SMYD3: variants seen among roughly 807,000 people sequenced by gnomAD.
SMYD3 encodes the protein SET and MYND domain containing 3.
A neutral mutation model predicts 57.7 loss-of-function variants in SMYD3; 36 were observed. The ratio of observed to expected loss-of-function variants is 0.62; its 90% CI spans 0.48 to 0.82. The LOEUF is 0.82. Ranked by LOEUF, SMYD3 falls within the 40% of genes least tolerant of loss-of-function variation. The pLI is 0.00. For missense variants in SMYD3, 515 were observed against 538.8 expected (o/e 0.96, Z 0.44); for synonymous variants, 211 against 195.0 (o/e 1.08, Z -0.68).
At chr1:246,062,560 C>G (rs2060273269) in intron 5 of SMYD3, among the ~76,000 whole-genome samples, 1 of 152,188 alleles carries the variant, frequency 6.6e-6, no homozygotes, top group African/African-American at 2.4e-5. Flanking sequence ...ATTTGGACCA[C>G]TAACCCAAGA....
intron 5 of SMYD3, among the ~76,000 whole-genome samples, chr1:246,316,974 AC>A (rs2065171316): frequency 6.6e-6 from 1 of 151,374 alleles, no homozygotes; most frequent in African/African-American, 2.4e-5. Flanking sequence ...CAGCCTGGTG[AC>A]AAAGTGAGAC....
At chr1:245,759,441 A>C (rs1475803190) in intron 11 of SMYD3, among the ~76,000 whole-genome samples, 1 of 148,262 alleles carries the variant, frequency 6.7e-6, no homozygotes, top group Non-Finnish European at 1.5e-5. Context: ...ATCCCCACCA[A>C]ATATACAAAA....
chr1:246,237,143 C>T (rs1387315942), intron 5 of SMYD3, among the ~76,000 whole-genome samples: 3 of 152,096 alleles, frequency 2.0e-5, no homozygotes, highest in South Asian at 2.1e-4. Flanking sequence ...CATGAGTAGG[C>T]GCAGAAAGGA....
At chr1:246,126,383 T>C (rs1400574310) in intron 5 of SMYD3, among the ~76,000 whole-genome samples, 1 of 152,246 alleles carries the variant, frequency 6.6e-6, no homozygotes, top group East Asian at 1.9e-4. Flanking sequence ...GAAAATCCTG[T>C]TACTTCTTTG....
intron 5 of SMYD3, among the ~76,000 whole-genome samples, chr1:246,069,058 G>A (rs1369038639): frequency 6.6e-6 from 1 of 152,062 alleles, no homozygotes; most frequent in African/African-American, 2.4e-5. Context: ...TGACAAAGGC[G>A]ACCAACTACA....
chr1:246,384,713 A>ATG (rs1167180829), intron 1 of SMYD3, among the ~76,000 whole-genome samples: 2 of 152,168 alleles, frequency 1.3e-5, no homozygotes, highest in South Asian at 2.1e-4. Context: ...TAGAAATTTT[A>ATG]TGTGTGTATA....
chr1:246,446,680 T>C (rs1369477987), intron 1 of SMYD3, among the ~76,000 whole-genome samples: 2 of 152,172 alleles, frequency 1.3e-5, no homozygotes, highest in African/African-American at 4.8e-5. Flanking sequence ...ACTTGAGGCA[T>C]CTGATGACAC....
intron 5 of SMYD3, among the ~76,000 whole-genome samples, chr1:245,977,413 T>C (rs2058474813): frequency 1.3e-5 from 2 of 152,138 alleles, no homozygotes; most frequent in South Asian, 4.1e-4. Flanking sequence ...GCACGGTGGC[T>C]CACACCTGTA....
chr1:245,907,214 T>C (rs1029958980), intron 8 of SMYD3, among the ~76,000 whole-genome samples: 5 of 152,184 alleles, frequency 3.3e-5, no homozygotes, highest in African/African-American at 1.2e-4. Flanking sequence ...ACTTAAAAAA[T>C]GTAATCGGAT....
At chr1:246,086,046 G>C (rs1188293114) in intron 5 of SMYD3, among the ~76,000 whole-genome samples, 2 of 151,076 alleles carry the variant, frequency 1.3e-5, no homozygotes, top group African/African-American at 4.9e-5. Flanking sequence ...CGAATGACTA[G>C]AATTACCATA....
intron 5 of SMYD3, among the ~76,000 whole-genome samples, chr1:246,176,203 C>G (rs992439991): frequency 5.9e-5 from 9 of 152,090 alleles, no homozygotes; most frequent in Non-Finnish European, 1.0e-4. Flanking sequence ...GCTACTTAGT[C>G]TCAGAAACAA....
chr1:246,224,788 G>A (rs2063304242), intron 5 of SMYD3, among the ~76,000 whole-genome samples: 1 of 152,018 alleles, frequency 6.6e-6, no homozygotes, highest in Non-Finnish European at 1.5e-5. Flanking sequence ...GAATTCAGTG[G>A]TGATGGGGGT....
At chr1:245,972,134 T>C (rs1364784477) in intron 5 of SMYD3, among the ~76,000 whole-genome samples, 1 of 152,172 alleles carries the variant, frequency 6.6e-6, no homozygotes, top group Non-Finnish European at 1.5e-5. Flanking sequence ...TACAAGACTG[T>C]TTTCATTATT....
intron 5 of SMYD3, among the ~76,000 whole-genome samples, chr1:246,173,387 T>C (rs2062377182): frequency 1.3e-5 from 2 of 152,256 alleles, no homozygotes; most frequent in Non-Finnish European, 2.9e-5. Context: ...CTACATTTAT[T>C]AAAAATCTTT....
At chr1:246,002,733 C>T (rs1330637862) in intron 5 of SMYD3, among the ~76,000 whole-genome samples, 1 of 151,640 alleles carries the variant, frequency 6.6e-6, no homozygotes, top group Admixed American at 6.6e-5. Context: ...ATGACAGGCG[C>T]CCGCCACCAC....
At chr1:246,463,576 G>A (rs1225245113) in intron 1 of SMYD3, among the ~76,000 whole-genome samples, 1 of 150,068 alleles carries the variant, frequency 6.7e-6, no homozygotes, top group African/African-American at 2.5e-5. Flanking sequence ...CCAACACTTT[G>A]GGAGGCCGAG....
intron 5 of SMYD3, among the ~76,000 whole-genome samples, chr1:246,008,812 A>G (rs1385495334): frequency 6.6e-6 from 1 of 152,180 alleles, no homozygotes; most frequent in Non-Finnish European, 1.5e-5. Flanking sequence ...CAGCATCCCT[A>G]TTAAGACACT....
intron 5 of SMYD3, among the ~76,000 whole-genome samples, chr1:245,999,599 A>G (rs187650036): frequency 1.0e-4 from 15 of 147,134 alleles, no homozygotes; most frequent in African/African-American, 3.0e-4. Flanking sequence ...AGTCAAAAAA[A>G]GAAAAAAAGA....
intron 7 of SMYD3, among the ~76,000 whole-genome samples, chr1:245,926,455 C>T (rs2056380591): frequency 6.6e-6 from 1 of 152,054 alleles, no homozygotes; most frequent in South Asian, 2.1e-4. Flanking sequence ...TTGCTAAGTA[C>T]CACAGGGAAA....
Sources: allele counts gnomAD v4.1 joint callset (sites outside exome capture counted in the v4.1 genomes callset), GRCh38; gene constraint gnomAD v4.1.1; transcripts MANE v1.5; gene names NCBI Gene and HGNC (gene_info 2026-07-23, HGNC 2026-07-21).